Variants in EEFSEC observed in about 807,000 individuals in gnomAD.
EEFSEC encodes eukaryotic elongation factor, selenocysteine-tRNA specific.
EEFSEC carries 43 observed loss-of-function variants against 42.1 expected under a neutral mutation model. The ratio of observed to expected loss-of-function variants is 1.02; its 90% CI spans 0.80 to 1.32. The LOEUF (loss-of-function observed/expected upper bound fraction) is 1.32. Ranked by LOEUF, EEFSEC falls within the 40% of genes most tolerant of loss-of-function variation. EEFSEC has a pLI of 0.00. For missense variants in EEFSEC, 745 were observed against 803.6 expected (o/e 0.93, Z 0.88); for synonymous variants, 354 against 339.1 (o/e 1.04, Z -0.48).
intron 4 of EEFSEC, among the ~76,000 whole-genome samples, chr3:128,296,887 A>G (rs1362741758): frequency 2.0e-5 from 3 of 152,340 alleles, no homozygotes; most frequent in Admixed American, 6.5e-5. Flanking sequence ...AGTGGGGTAG[A>G]GGAATTGTAG....
chr3:128,243,572 G>A (rs1469285229), intron 1 of EEFSEC, among the ~76,000 whole-genome samples: 2 of 152,244 alleles, frequency 1.3e-5, no homozygotes, highest in African/African-American at 4.8e-5. Flanking sequence ...GCTGGGTCTT[G>A]TGCTGTGAAT....
chr3:128,351,640 A>G (rs935909663), intron 5 of EEFSEC, among the ~76,000 whole-genome samples: 2 of 152,192 alleles, frequency 1.3e-5, no homozygotes, highest in African/African-American at 4.8e-5. Flanking sequence ...AAGCCTCATC[A>G]TGGGAGCCAA....
At chr3:128,307,168 C>G (rs2066837091) in intron 4 of EEFSEC, among the ~76,000 whole-genome samples, 1 of 152,256 alleles carries the variant, frequency 6.6e-6, no homozygotes. Flanking sequence ...CTGCCCCTGC[C>G]CTCTCCAAGC....
the EEFSEC span, among the ~76,000 whole-genome samples, chr3:128,423,979 G>A: frequency 2.6e-5 from 4 of 152,176 alleles, no homozygotes; most frequent in Non-Finnish European, 4.4e-5. Flanking sequence ...TGCCTGGGGG[G>A]GTGATGGGGA....
intron 5 of EEFSEC, among the ~76,000 whole-genome samples, chr3:128,356,855 A>G (rs937152918): frequency 6.6e-6 from 1 of 151,790 alleles, no homozygotes; most frequent in Non-Finnish European, 1.5e-5. Context: ...CACACTGCCT[A>G]CTCTCCTCTG....
intron 1 of EEFSEC, among the ~76,000 whole-genome samples, chr3:128,177,339 G>T (rs1005162782): frequency 6.6e-5 from 10 of 152,106 alleles, no homozygotes; most frequent in Admixed American, 2.0e-4. Context: ...GAAAGCTTTA[G>T]ATTTTTTAAA....
chr3:128,221,442 A>G (rs2107847548), intron 1 of EEFSEC, among the ~76,000 whole-genome samples: 1 of 152,358 alleles, frequency 6.6e-6, no homozygotes, highest in East Asian at 1.9e-4. Context: ...GAGCTGAGAA[A>G]GTTTCCTTCA....
At chr3:128,302,092 C>T (rs2066775388) in intron 4 of EEFSEC, among the ~76,000 whole-genome samples, 1 of 152,158 alleles carries the variant, frequency 6.6e-6, no homozygotes, top group Admixed American at 6.5e-5. Flanking sequence ...AATCATTTTC[C>T]TCCACTTCCT....
At chr3:128,357,517 G>A (rs535250288) in intron 5 of EEFSEC, among the ~76,000 whole-genome samples, 1 of 152,248 alleles carries the variant, frequency 6.6e-6, no homozygotes, top group African/African-American at 2.4e-5. Context: ...GAGGTAGGGA[G>A]GTAGGGCTGT....
intron 4 of EEFSEC, among the ~76,000 whole-genome samples, chr3:128,328,758 G>A (rs1243466557): frequency 1.3e-5 from 2 of 152,302 alleles, no homozygotes; most frequent in East Asian, 3.9e-4. Flanking sequence ...GTCCACTGAG[G>A]CCCCACAGCA....
chr3:128,186,912 T>A (rs1207134805), intron 1 of EEFSEC, among the ~76,000 whole-genome samples: 1 of 152,158 alleles, frequency 6.6e-6, no homozygotes, highest in Non-Finnish European at 1.5e-5. Context: ...TCCTCAGATA[T>A]CCCTGTGCTT....
At chr3:128,273,041 G>A (rs770315877) in intron 4 of EEFSEC, among the ~76,000 whole-genome samples, 7 of 152,188 alleles carry the variant, frequency 4.6e-5, no homozygotes, top group African/African-American at 1.2e-4. Context: ...CAAGAGCCAC[G>A]TAGCGTGCTT....
chr3:128,417,700 TTAAG>T, the EEFSEC span, among the ~76,000 whole-genome samples: 178 of 152,214 alleles, frequency 1.2e-3, no homozygotes, highest in African/African-American at 3.9e-3. The surrounding 1 kb of genome is among the most constrained non-coding windows in gnomAD (Gnocchi z 4.3). Flanking sequence ...CCAGTGGGAA[TTAAG>T]TGAGTTGTTC....
chr3:128,154,402 G>T (rs1944332128), intron 1 of EEFSEC, among the ~76,000 whole-genome samples: 2 of 151,790 alleles, frequency 1.3e-5, no homozygotes, highest in Non-Finnish European at 2.9e-5. Context: ...TCTTTTTAAA[G>T]CTCACATAGA....
rs115286316 is a variant in EEFSEC, at chr3:128,337,633, G to A, written c.787-3600G>A. On this transcript the variant is annotated intron_variant, in intron 4 of 6. Coordinates refer to ENST00000254730, the MANE Select transcript of EEFSEC (RefSeq NM_021937.5). ...CTGATGCAGTCACTCTCTTCAGAGCGGCTGGGCGTTTATCTGGACCTGTCA... is the reference window on the plus strand; with the variant it reads ...CTGATGCAGTCACTCTCTTCAGAGCAGCTGGGCGTTTATCTGGACCTGTCA... Among the ~76,000 whole-genome samples, 518 of 152,304 alleles carry A rather than the reference G, an allele frequency of 3.4e-3. 1 individual carries two copies. The highest frequency in any genetic ancestry group is 0.012 in the African/African-American group (480 of 41,564).
chr3:128,385,732 G>A (rs772368521), intron 6 of EEFSEC, among the ~76,000 whole-genome samples: 258 of 152,250 alleles, frequency 1.7e-3, no homozygotes, highest in Non-Finnish European at 1.4e-3. Context: ...CTCACGATCT[G>A]GCTCATGAGG....
chr3:128,342,775 C>G (rs1373560876), intron 5 of EEFSEC, among the ~76,000 whole-genome samples: 1 of 152,200 alleles, frequency 6.6e-6, no homozygotes, highest in African/African-American at 2.4e-5. Context: ...GGGCCTGCCA[C>G]TAGGGTGGAC....
chr3:128,384,105 C>T (rs1252626914), intron 6 of EEFSEC, among the ~76,000 whole-genome samples: 1 of 152,200 alleles, frequency 6.6e-6, no homozygotes, highest in Non-Finnish European at 1.5e-5. Flanking sequence ...GAAGCCCAGG[C>T]ACAGAGCCTA....
At chr3:128,226,834 GGTGGTGCACAGAGGGTTGT>G (rs1272731654) in intron 1 of EEFSEC, among the ~76,000 whole-genome samples, 3 of 152,192 alleles carry the variant, frequency 2.0e-5, no homozygotes, top group Admixed American at 6.5e-5. Context: ...GCCCAGATAT[GGTGGTGCACAGAGGGTTGT>G]GTGGTGCACA....
Sources: gnomAD v4.1 joint callset for allele counts (sites outside exome capture counted in the v4.1 genomes callset) on GRCh38, gnomAD v4.1.1 for gene constraint, Gnocchi (gnomAD v3.1) non-coding constraint, MANE v1.5 for transcripts, NCBI Gene and HGNC (gene_info 2026-07-23, HGNC 2026-07-21) for gene names.